LMF1: variants seen among roughly 807,000 people sequenced by gnomAD.
The protein encoded by LMF1 is transmembrane protein 112.
LMF1 carries 68 observed loss-of-function variants against 60.6 expected under a neutral mutation model. The observed-to-expected ratio is 1.12, with a 90% CI of 0.92 to 1.37. The LOEUF (loss-of-function observed/expected upper bound fraction) is 1.37, where lower values mean the gene tolerates loss of function less well. Among genes scored for constraint, LMF1 ranks in the 40% most tolerant of loss-of-function variants. The pLI is 0.00. For synonymous variants in LMF1, 418 were observed against 324.7 expected (o/e 1.29, Z -3.09); for missense variants, 948 against 767.2 (o/e 1.24, Z -2.78).
chr16:918,711 G>A (rs1012351184), intron 3 of LMF1, among the ~76,000 whole-genome samples: 7 of 144,458 alleles, frequency 4.8e-5, no homozygotes, highest in Non-Finnish European at 7.8e-5. Flanking sequence ...GCACTCAAAG[G>A]CAGCCTGCGT....
At chr16:861,354 C>CTT (rs33941455) in intron 10 of LMF1, among the ~76,000 whole-genome samples, 61 of 92,648 alleles carry the variant, frequency 6.6e-4, no homozygotes, top group Middle Eastern at 6.9e-3. Flanking sequence ...AATTTTCTTT[C>CTT]TTTTTTTTTT....
intron 6 of LMF1, among the ~76,000 whole-genome samples, chr16:876,648 C>A (rs933140893): frequency 6.6e-6 from 1 of 152,018 alleles, no homozygotes; most frequent in Admixed American, 6.5e-5. Context: ...AGCTGAAACA[C>A]TGGAGCAAAG....
intron 2 of LMF1, among the ~76,000 whole-genome samples, chr16:938,012 C>T (rs374631324): frequency 6.6e-6 from 1 of 150,990 alleles, no homozygotes; most frequent in African/African-American, 2.5e-5. Flanking sequence ...GAAGGCCAAA[C>T]GTGGATTTAT....
intron 1 of LMF1, among the ~76,000 whole-genome samples, chr16:978,188 C>T (rs1306389770): frequency 2.7e-5 from 4 of 149,606 alleles, no homozygotes; most frequent in Non-Finnish European, 6.0e-5. Context: ...ACGCACCCCA[C>T]ACACATACAT....
intron 3 of LMF1, chr16:931,746 G>A (rs1232619829): frequency 4.7e-6 from 6 of 1,287,054 alleles, no homozygotes; most frequent in East Asian, 5.5e-5. Context: ...AAGCTACTAC[G>A]AGTCTTCTGA....
intron 5 of LMF1, among the ~76,000 whole-genome samples, chr16:891,866 C>T (rs931137301): frequency 2.0e-5 from 3 of 152,022 alleles, no homozygotes; most frequent in Admixed American, 6.6e-5. Context: ...CTCCCCGTCA[C>T]GGCTGTGTTG....
intron 1 of LMF1, among the ~76,000 whole-genome samples, chr16:967,901 C>G (rs2072958534): frequency 6.6e-6 from 1 of 152,228 alleles, no homozygotes; most frequent in South Asian, 2.1e-4. Context: ...GGGCAGGGTG[C>G]TACTTCAGCA....
intron 4 of LMF1, among the ~76,000 whole-genome samples, chr16:894,321 C>T (rs1304369844): frequency 3.3e-5 from 4 of 120,906 alleles, no homozygotes; most frequent in Non-Finnish European, 5.5e-5. Flanking sequence ...GGATCGTCCA[C>T]CCACCCGTCC....
intron 4 of LMF1, among the ~76,000 whole-genome samples, chr16:895,057 G>C (rs1360889835): frequency 6.6e-6 from 1 of 152,166 alleles, no homozygotes; most frequent in Non-Finnish European, 1.5e-5. Flanking sequence ...GGAGGCCGCG[G>C]GGGGAGGCCC....
At position 874,819 on chromosome 16, in the gene LMF1, C is replaced by A. The variant is rs771058809; in HGVS notation, c.898-3478G>T. On this transcript the variant is annotated intron_variant, in intron 6 of 10. Transcript: ENST00000262301. The surrounding 1 kb of genome is among the most constrained non-coding windows in gnomAD (Gnocchi z 4.1). Reference sequence around the variant, plus strand: ...CTCAGGGCACTCGGCTGTCACAGCGCGGCACAGGGGAGTACGCAGCCCCAG... The same window carrying A: ...CTCAGGGCACTCGGCTGTCACAGCGAGGCACAGGGGAGTACGCAGCCCCAG... Among the ~76,000 whole-genome samples the A allele has an allele frequency of 6.6e-6, 1 of 151,984 alleles. No homozygotes were observed. Among genetic ancestry groups the A allele is most frequent in the East Asian group, 1.9e-4 (1 of 5,184 alleles).
intron 4 of LMF1, among the ~76,000 whole-genome samples, chr16:906,545 C>G (rs1445128434): frequency 6.6e-6 from 1 of 152,116 alleles, no homozygotes; most frequent in African/African-American, 2.4e-5. Context: ...GACTCGGGAC[C>G]GGCTCTCCTT....
At chr16:951,216 G>A (rs1276080747) in intron 2 of LMF1, among the ~76,000 whole-genome samples, 5 of 148,642 alleles carry the variant, frequency 3.4e-5, no homozygotes, top group African/African-American at 7.7e-5. Flanking sequence ...GCCAATGACA[G>A]AGTCAGCTGA....
upstream of LMF1, chr16:975,972 T>G (rs1237255670): frequency 3.3e-6 from 1 of 300,712 alleles, no homozygotes; most frequent in Non-Finnish European, 6.0e-6. Flanking sequence ...ATGTGGACAT[T>G]CCGGGCAAGG....
chr16:915,786 C>T (rs755099513), intron 3 of LMF1, among the ~76,000 whole-genome samples: 27 of 152,202 alleles, frequency 1.8e-4, no homozygotes, highest in Admixed American at 3.9e-4. Context: ...GGGGCGACTG[C>T]GGTGCCTCAG....
At chr16:981,335 AGAGAGAGAGAGAGTGTGT>A (rs2073362092), upstream of LMF1, 83 of 328,608 alleles carry the variant, frequency 2.5e-4, no homozygotes, top group Admixed American at 5.0e-4. Flanking sequence ...AGAGAGAGAG[AGAGAGAGAGAGAGTGTGT>A]GTGTGTGTGT....
intron 3 of LMF1, among the ~76,000 whole-genome samples, chr16:930,721 A>G (rs2071756599): frequency 6.6e-6 from 1 of 152,198 alleles, no homozygotes; most frequent in Non-Finnish European, 1.5e-5. Flanking sequence ...TTGTGAGAGC[A>G]TGTCCCGGGG....
At chr16:856,423 C>T (rs74001076) in intron 10 of LMF1, among the ~76,000 whole-genome samples, 20 of 152,206 alleles carry the variant, frequency 1.3e-4, no homozygotes, top group Non-Finnish European at 2.2e-4. Context: ...TCCCTGCACA[C>T]TCTCCTGGGC....
chr16:856,480 C>G (rs552268154), intron 10 of LMF1, among the ~76,000 whole-genome samples: 12 of 152,342 alleles, frequency 7.9e-5, no homozygotes, highest in African/African-American at 2.9e-4. Context: ...CTCTCCCAAA[C>G]CCTGCATTTA....
chr16:892,861 A>C, intron 5 of LMF1, 146 bp downstream of exon 5: 1 of 601,980 alleles, frequency 1.7e-6, no homozygotes, highest in Non-Finnish European at 2.8e-6. Context: ...CACCCCGTGA[A>C]GGGAGGGAGA....
Sources: allele counts gnomAD v4.1 joint callset (sites outside exome capture counted in the v4.1 genomes callset), GRCh38; gene constraint gnomAD v4.1.1; non-coding constraint Gnocchi (gnomAD v3.1); transcripts MANE v1.5; gene names NCBI Gene and HGNC (gene_info 2026-07-23, HGNC 2026-07-21).